The following CSMD2 variants were observed in gnomAD, a reference collection of about 807,000 sequenced individuals.
CSMD2 encodes the protein CUB and Sushi multiple domains 2, also known as CUB and sushi domain-containing protein 2.
Under a neutral mutation model 398.5 loss-of-function variants are expected in CSMD2, and 130 were observed. The ratio of observed to expected loss-of-function variants is 0.33; its 90% CI spans 0.28 to 0.38. The LOEUF is 0.38. Among genes scored for constraint, CSMD2 ranks in the 10% least tolerant of loss-of-function variants. The pLI is 1.00. For missense variants in CSMD2, 3,829 were observed against 4,764.9 expected (o/e 0.80, Z 5.78); for synonymous variants, 1,828 against 1,908.5 (o/e 0.96, Z 1.10).
chr1:33,924,337 C>T (rs974440477), intron 4 of CSMD2, among the ~76,000 whole-genome samples: 2 of 152,172 alleles, frequency 1.3e-5, no homozygotes, highest in Non-Finnish European at 2.9e-5. Context: ...CTGCACCTAG[C>T]TAATTTCATT....
chr1:33,846,622 T>A (rs1638258407), intron 6 of CSMD2, among the ~76,000 whole-genome samples: 1 of 152,174 alleles, frequency 6.6e-6, no homozygotes, highest in African/African-American at 2.4e-5. Context: ...TTAGCAGGCA[T>A]CTGGTATTAA....
intron 5 of CSMD2, among the ~76,000 whole-genome samples, chr1:33,855,597 T>A (rs1346141779): frequency 2.0e-5 from 3 of 152,182 alleles, no homozygotes; most frequent in African/African-American, 7.2e-5. Flanking sequence ...GGACAGAATC[T>A]AAGAGCAGTC....
intron 17 of CSMD2, among the ~76,000 whole-genome samples, chr1:33,725,118 C>A (rs1646484949): frequency 6.6e-6 from 1 of 152,320 alleles, no homozygotes; most frequent in South Asian, 2.1e-4. Context: ...GCCAGGAGGT[C>A]TGCACGCAAG....
chr1:33,901,949 C>T lies in CSMD2; in HGVS notation c.920+16145G>A, dbSNP rs1642786053. ...AGAATCTACTTCCTTTATATTATCA[C>T]TCTGGAAAGTATTCTATTTAGGCCC... On this transcript the variant is annotated intron_variant, in intron 5 of 70. Coordinates refer to ENST00000373381, the MANE Select transcript of CSMD2 (RefSeq NM_001281956.2). Among the ~76,000 whole-genome samples, 5 of 152,262 alleles carry T rather than the reference C, an allele frequency of 3.3e-5. No homozygotes were observed. In the South Asian group the frequency reaches 1.0e-3, roughly 32 times the overall value.
chr1:33,823,623 TAG>T (rs1658434533), intron 7 of CSMD2, among the ~76,000 whole-genome samples: 2 of 151,896 alleles, frequency 1.3e-5, no homozygotes, highest in South Asian at 4.2e-4. Context: ...GATGGCAAGG[TAG>T]AGAGTTGGGT....
Position 33,559,247 on chromosome 1 carries a change from C to T in CSMD2, c.8554+53G>A. On this transcript the variant is annotated intron_variant, in intron 54 of 70. Transcript: ENST00000373381. This position sits in a 1 kb window ranked among gnomAD's most constrained non-coding sequence, Gnocchi z 4.0. Reference sequence around the variant, plus strand: ...TGGCTTCTTTTTCTGAGCTACAGAACCACATATAGCAGAGATGGTGGGGAC... The same window carrying T: ...TGGCTTCTTTTTCTGAGCTACAGAATCACATATAGCAGAGATGGTGGGGAC... The T allele has an allele frequency of 6.8e-7, 1 of 1,474,354 alleles. No homozygotes were observed. Among genetic ancestry groups the T allele is most frequent in the Admixed American group, 2.0e-5 (1 of 49,778 alleles). The allele number at this position is 1,474,354 out of a possible 1,614,324, so 91.3% of individuals were successfully genotyped here. A position where few individuals can be genotyped will look rare whatever the true frequency, so the allele number is the denominator to read the frequency against.
At chr1:33,741,820 C>T (rs1350623579) in intron 14 of CSMD2, among the ~76,000 whole-genome samples, 2 of 152,216 alleles carry the variant, frequency 1.3e-5, no homozygotes, top group African/African-American at 4.8e-5. Flanking sequence ...TCAGTGTCCA[C>T]ACATGCTGCA....
intron 14 of CSMD2, among the ~76,000 whole-genome samples, chr1:33,740,733 G>A (rs1265366387): frequency 6.6e-6 from 1 of 152,206 alleles, no homozygotes; most frequent in African/African-American, 2.4e-5. Context: ...ATGATGCTTG[G>A]GGCCCAGAAG....
At chr1:33,908,396 C>T (rs566903425) in intron 5 of CSMD2, among the ~76,000 whole-genome samples, 10 of 152,356 alleles carry the variant, frequency 6.6e-5, no homozygotes, top group East Asian at 3.9e-4. Context: ...TCTGTCTTAG[C>T]GGCACCATCA....
At chr1:34,114,541 AT>A (rs201565221) in intron 1 of CSMD2, among the ~76,000 whole-genome samples, 2 of 151,952 alleles carry the variant, frequency 1.3e-5, no homozygotes, top group African/African-American at 4.8e-5. Context: ...TCTAAAAACA[AT>A]TTTTTTTAAT....
At chr1:34,021,628 T>C (rs1005513942) in intron 3 of CSMD2, among the ~76,000 whole-genome samples, 5 of 152,210 alleles carry the variant, frequency 3.3e-5, no homozygotes, top group African/African-American at 9.6e-5. Context: ...AAAGGGTGTT[T>C]ATCAGCTAAA....
At chr1:33,991,253 T>C (rs997459759) in intron 3 of CSMD2, among the ~76,000 whole-genome samples, 1 of 152,142 alleles carries the variant, frequency 6.6e-6, no homozygotes, top group Non-Finnish European at 1.5e-5. Flanking sequence ...GCAATCCTCC[T>C]GCCTCAGCCT....
intron 1 of CSMD2, among the ~76,000 whole-genome samples, chr1:34,138,866 G>C (rs1299783291): frequency 6.6e-6 from 1 of 152,094 alleles, no homozygotes; most frequent in South Asian, 2.1e-4. Flanking sequence ...AACCTTGCAT[G>C]AATGCATAAA....
At chr1:34,063,384 T>C (rs899878131) in intron 2 of CSMD2, among the ~76,000 whole-genome samples, 3 of 152,206 alleles carry the variant, frequency 2.0e-5, no homozygotes, top group Admixed American at 6.5e-5. Flanking sequence ...GCAAGCTAGT[T>C]ATTTCCTAGC....
At chr1:34,009,428 G>C (rs1309680767) in intron 3 of CSMD2, among the ~76,000 whole-genome samples, 85 of 151,968 alleles carry the variant, frequency 5.6e-4, no homozygotes, top group Admixed American at 5.6e-3. Context: ...GAAGCCAGGA[G>C]ACACTGTGCC....
intron 12 of CSMD2, among the ~76,000 whole-genome samples, chr1:33,784,284 TGGA>T (rs1446793656): frequency 1.3e-5 from 2 of 151,124 alleles, no homozygotes; most frequent in African/African-American, 4.9e-5. Context: ...AACCAGGAGG[TGGA>T]GGTGATAGGA....
At chr1:34,043,858 C>A (rs1224227826) in intron 2 of CSMD2, among the ~76,000 whole-genome samples, 2 of 152,176 alleles carry the variant, frequency 1.3e-5, no homozygotes, top group Non-Finnish European at 2.9e-5. Flanking sequence ...AGGTAATCAT[C>A]TCTGTGGGAA....
intron 1 of CSMD2, among the ~76,000 whole-genome samples, chr1:34,156,172 A>T (rs897389283): frequency 6.6e-6 from 1 of 152,200 alleles, no homozygotes; most frequent in Non-Finnish European, 1.5e-5. Flanking sequence ...ATAAACCATT[A>T]AACTGTCATC....
chr1:33,743,615 G>A lies in CSMD2; in HGVS notation c.1847-9C>T, dbSNP rs774455180. The stretch of plus-strand genomic sequence containing the variant: ...GTTGAAGAAGCAGGAGACTGCAAGA[G>A]AAGAGCAGTGGAGGTCAGTAAGCAT... On this transcript the variant is annotated splice_polypyrimidine_tract_variant and intron_variant, in intron 13 of 70. Coordinates refer to ENST00000373381, the MANE Select transcript of CSMD2 (RefSeq NM_001281956.2). 1.3e-6 allele frequency: 2 copies of A among 1,577,910 alleles called. No homozygotes were observed. Among genetic ancestry groups the A allele is most frequent in the South Asian group, 1.2e-5 (1 of 85,772 alleles).
Sources: gnomAD v4.1 joint callset for allele counts (sites outside exome capture counted in the v4.1 genomes callset) on GRCh38, gnomAD v4.1.1 for gene constraint, Gnocchi (gnomAD v3.1) non-coding constraint, MANE v1.5 for transcripts, NCBI Gene and HGNC (gene_info 2026-07-23, HGNC 2026-07-21) for gene names.